Variants in PIWIL3 observed in about 807,000 individuals in gnomAD.
PIWIL3 encodes the protein piwi-like protein 3.
In PIWIL3, 101 loss-of-function variants were observed where a neutral mutation model predicts 109.7. That is an observed-to-expected ratio of 0.92 (90% CI 0.78 to 1.09). The LOEUF is 1.09. Ranked by LOEUF, PIWIL3 falls within the 50% of genes least tolerant of loss-of-function variation. PIWIL3 has a pLI of 0.00. For synonymous variants in PIWIL3, 373 were observed against 376.4 expected (o/e 0.99, Z 0.10); for missense variants, 1,031 against 1,072.6 (o/e 0.96, Z 0.54).
rs896879335 is a variant in PIWIL3 at position 24,719,407 on chromosome 22, G to A, written c.*65C>T. On this transcript the variant is annotated 3_prime_UTR_variant, in exon 21 of 21. Coordinates refer to ENST00000616349, the MANE Select transcript of PIWIL3 (RefSeq NM_001255975.1). ...CCTAGGAAAATATTTCAGACATCCT[G>A]CTTCAAAAGGAAGACAGGCTTACAC... 1.7e-5 allele frequency: 21 copies of A among 1,246,948 alleles called. No homozygotes were observed. The highest frequency in any genetic ancestry group is 2.3e-5 in the Non-Finnish European group (21 of 896,116). 77.2% of individuals were successfully genotyped at this position (1,246,948 alleles called of 1,614,324 possible).
At chr22:24,768,004 T>G (rs916365876) in intron 1 of PIWIL3, among the ~76,000 whole-genome samples, 2 of 152,096 alleles carry the variant, frequency 1.3e-5, no homozygotes, top group African/African-American at 2.4e-5. Flanking sequence ...CATTTCTCAC[T>G]CTGGGGAAGG....
chr22:24,720,229 C>T (rs866222023), intron 19 of PIWIL3, among the ~76,000 whole-genome samples: 3 of 148,368 alleles, frequency 2.0e-5, no homozygotes, highest in Non-Finnish European at 4.4e-5. Context: ...CCTGCTGCCT[C>T]GCTGAGAATC....
Position 24,755,900 on chromosome 22 carries a change from C to T in PIWIL3, c.576G>A (p.Val192=). 2 of 1,610,728 alleles carry T rather than the reference C, an allele frequency of 1.2e-6. No individual in the cohort carries two copies. Among genetic ancestry groups the T allele is most frequent in the Non-Finnish European group, 1.7e-6 (2 of 1,178,788 alleles). ...TGTCTTTGGTTGTGCTCAACCATTC[C>T]ACTCTCTGAGATTAAAAAAAAACAA... ...LLSRPLKERR[V]EWLSTTKDKN... is the part of the protein sequence containing the mutation. Residue 192 remains valine (V), a synonymous_variant, in exon 6 of 21, where the codon GTG becomes GTA. Coordinates refer to ENST00000616349, the MANE Select transcript of PIWIL3 (RefSeq NM_001255975.1).
chr22:24,771,135 G>A (rs1405562174), intron 1 of PIWIL3, among the ~76,000 whole-genome samples: 1 of 151,988 alleles, frequency 6.6e-6, no homozygotes, highest in Admixed American at 6.6e-5. Context: ...GGAGGCATGA[G>A]CCTGGTCATT....
At chr22:24,741,366 C>G (rs1461146617) in intron 12 of PIWIL3, among the ~76,000 whole-genome samples, 1 of 152,088 alleles carries the variant, frequency 6.6e-6, no homozygotes, top group East Asian at 1.9e-4. Flanking sequence ...TTAGCCGGGC[C>G]TGGTGGCATG....
At position 24,735,676 on chromosome 22, in the gene PIWIL3, G is replaced by T. The variant is rs758503076; in HGVS notation, c.1634+32C>A. The T allele has an allele frequency of 6.5e-6, 10 of 1,535,788 alleles. No homozygotes were observed. The African/African-American group carries it at 8.4e-5, about 13-fold the overall frequency. On this transcript the variant is annotated intron_variant, in intron 13 of 20. Coordinates refer to ENST00000616349, the MANE Select transcript of PIWIL3 (RefSeq NM_001255975.1). Reference sequence around the variant, plus strand: ...TTATACTTTAAGATTGCTAACAATCGATTTTCAAATGGGAATTTCTGCTCT... The same window carrying T: ...TTATACTTTAAGATTGCTAACAATCTATTTTCAAATGGGAATTTCTGCTCT...
chr22:24,756,375 CA>C, intron 5 of PIWIL3, 115 bp downstream of exon 5: 1 of 978,916 alleles, frequency 1.0e-6, no homozygotes, highest in Non-Finnish European at 1.5e-6. Context: ...GTCATATGGG[CA>C]AGAGAGCCTT....
chr22:24,729,886 T>G (rs1486487620), intron 14 of PIWIL3, among the ~76,000 whole-genome samples: 1 of 152,142 alleles, frequency 6.6e-6, no homozygotes. Context: ...TGGTGTTTCA[T>G]ATTTTATTAA....
rs563118789 is a variant in PIWIL3, at chr22:24,724,611, ATTTT to A, written c.2231+272_2231+275del. On this transcript the variant is annotated intron_variant, in intron 18 of 20. Transcript: ENST00000616349. ...CACCACGCCCGGCTAATTTTTGTGT[ATTTT>A]TAGTAGAGACGGGGTTTCTCCATGT... is the stretch of plus-strand genomic sequence containing the variant. Among the ~76,000 whole-genome samples the A allele has an allele frequency of 3.8e-4, 57 of 151,642 alleles. 1 individual carries two copies. The South Asian group carries it at 0.011, about 29-fold the overall frequency.
chr22:24,730,667 AAT>A (rs1384373278), intron 14 of PIWIL3, among the ~76,000 whole-genome samples: 3 of 152,172 alleles, frequency 2.0e-5, no homozygotes, highest in Non-Finnish European at 4.4e-5. Flanking sequence ...ATTACACTAA[AAT>A]ATAAGATTAA....
At chr22:24,733,935 T>G in intron 14 of PIWIL3, 149 bp downstream of exon 14, 1 of 726,396 alleles carries the variant, frequency 1.4e-6, no homozygotes, top group Non-Finnish European at 2.0e-6. Flanking sequence ...AGCTAAACCA[T>G]GAAAGTTTGT....
At chr22:24,731,541 C>T (rs189731472) in intron 14 of PIWIL3, among the ~76,000 whole-genome samples, 52 of 151,504 alleles carry the variant, frequency 3.4e-4, no homozygotes, top group African/African-American at 1.2e-3. Context: ...GTCCCAGCTA[C>T]TTGGGAGGCT....
intron 3 of PIWIL3, 125 bp from the exon 4 acceptor site, chr22:24,758,164 T>TC: frequency 8.6e-7 from 1 of 1,161,328 alleles, no homozygotes; most frequent in Non-Finnish European, 1.2e-6. Context: ...AAAACACATT[T>TC]CCGTGATATG....
chr22:24,754,237 A>C lies in PIWIL3; in HGVS notation c.774-20T>G, dbSNP rs1924879600. 6.3e-7 allele frequency: 1 copy of C among 1,593,782 alleles called. No homozygotes were observed. Among genetic ancestry groups the C allele is most frequent in the Non-Finnish European group, 8.6e-7 (1 of 1,162,384 alleles). On this transcript the variant is annotated intron_variant, in intron 7 of 20. Coordinates refer to ENST00000616349, the MANE Select transcript of PIWIL3 (RefSeq NM_001255975.1). ...CTGGTACTAGAATAAATTACATGAGAGTATTAGTCCGATCTCTTCACATAA... is the reference window on the plus strand; with the variant it reads ...CTGGTACTAGAATAAATTACATGAGCGTATTAGTCCGATCTCTTCACATAA...
chr22:24,752,140 T>C (rs1419783951), intron 8 of PIWIL3, among the ~76,000 whole-genome samples: 2 of 152,128 alleles, frequency 1.3e-5, no homozygotes, highest in Non-Finnish European at 2.9e-5. Flanking sequence ...AAATGGAATT[T>C]AGGTGGTTAG....
chr22:24,723,003 C>T, intron 19 of PIWIL3, 127 bp downstream of exon 19: 1 of 1,102,236 alleles, frequency 9.1e-7, no homozygotes, highest in Non-Finnish European at 1.3e-6. Context: ...GTAAAAAAAA[C>T]AGACCAAATT....
chr22:24,766,300 TTTTTG>T (rs538454232), intron 1 of PIWIL3, among the ~76,000 whole-genome samples: 10 of 151,544 alleles, frequency 6.6e-5, no homozygotes, highest in East Asian at 1.9e-4. Flanking sequence ...GTTTTTTGTT[TTTTTG>T]TTTTGTTTTG....
chr22:24,720,000 T>G, intron 19 of PIWIL3, 105 bp from the exon 20 acceptor site: 1 of 957,934 alleles, frequency 1.0e-6, no homozygotes, highest in Non-Finnish European at 1.5e-6. Flanking sequence ...TACAAAAATC[T>G]ATTCTATAGA....
Position 24,759,892 on chromosome 22 carries a change from GC to G in PIWIL3, c.199del (p.Ala67GlnfsTer10). 1 of 1,602,364 alleles carries G rather than the reference GC, an allele frequency of 6.2e-7. No homozygotes were observed. Among genetic ancestry groups the G allele is most frequent in the East Asian group, 2.2e-5 (1 of 44,888 alleles). ...PLQPRAARGG[A>X]GGGAQSQGVK... ...ACCTTGAGACTGTGCTCCTCCTCCT[GC>G]TCCTCCTCTTGCTGCTCTTGGCTGC... On this transcript the variant is annotated frameshift_variant, in exon 3 of 21. Transcript: ENST00000616349. LOFTEE classifies it high-confidence loss of function.
Sources: gnomAD v4.1 joint callset for allele counts (sites outside exome capture counted in the v4.1 genomes callset) on GRCh38, gnomAD v4.1.1 for gene constraint, MANE v1.5 for transcripts, NCBI Gene and HGNC (gene_info 2026-07-23, HGNC 2026-07-21) for gene names.